Variants in VKORC1 observed in about 807,000 individuals in gnomAD.
VKORC1 encodes the protein phylloquinone epoxide reductase.
Under a neutral mutation model 14.8 loss-of-function variants are expected in VKORC1, and 12 were observed. The ratio of observed to expected loss-of-function variants is 0.81; its 90% CI spans 0.52 to 1.31. The LOEUF (loss-of-function observed/expected upper bound fraction) is 1.31, where lower values mean the gene tolerates loss of function less well. VKORC1 is among the 50% of genes most tolerant of loss of function. The pLI, the probability that VKORC1 is intolerant of heterozygous loss-of-function variation, is 0.00. For synonymous variants in VKORC1, 94 were observed against 92.5 expected (o/e 1.02, Z -0.09); for missense variants, 223 against 215.3 (o/e 1.04, Z -0.22).
In VKORC1 at chr16:31,093,299, C is replaced by T; in HGVS notation, c.283+13G>A. 6.2e-7 allele frequency: 1 copy of T among 1,610,362 alleles called. No homozygotes were observed. The highest frequency in any genetic ancestry group is 8.5e-7 in the Non-Finnish European group (1 of 1,179,596). On this transcript the variant is annotated intron_variant, in intron 2 of 2. Coordinates refer to ENST00000394975, the MANE Select transcript of VKORC1 (RefSeq NM_024006.6). ...CGGGGCGGGGCGGGCAGGGAGGGGG[C>T]GGAGCCACTCACCTAACAATAGCTG...
At chr16:31,091,416 A>T in intron 2 of VKORC1, 74 bp from the exon 3 acceptor site, 2 of 1,559,972 alleles carry the variant, frequency 1.3e-6, no homozygotes, top group Non-Finnish European at 1.7e-6. Context: ...ATGTCACTGC[A>T]CTACCTAGAT....
rs1403454307 is a variant in VKORC1, at chr16:31,091,327, C to T, written c.299G>A (p.Arg100His). The T allele has an allele frequency of 1.9e-6, 3 of 1,613,808 alleles. No homozygotes were observed. The highest frequency in any genetic ancestry group is 2.5e-6 in the Non-Finnish European group (3 of 1,179,912). Residue 100 changes from arginine (R) to histidine (H), a missense_variant, in exon 3 of 3, where the codon CGC becomes CAC. By Grantham distance (29) the Arg-to-His change is conservative. Coordinates refer to ENST00000394975, the MANE Select transcript of VKORC1 (RefSeq NM_024006.6). ...LQLLLGCLRTRWASVLMLLSS... is the reference protein window; with the variant it reads ...LQLLLGCLRTHWASVLMLLSS... ...CAGCAGCATCAGGACAGAGGCCCAGCGTGTCCGCAGGCAACCTGCAAGGCA... is the reference window on the plus strand; with the variant it reads ...CAGCAGCATCAGGACAGAGGCCCAGTGTGTCCGCAGGCAACCTGCAAGGCA...
chr16:31,093,722 T>TTTTC, intron 1 of VKORC1: 1 of 415,610 alleles, frequency 2.4e-6, no homozygotes, highest in Non-Finnish European at 4.0e-6. Flanking sequence ...TTTTTTTTTT[T>TTTTC]TTTTGAGACG....
chr16:31,094,039 C>G, intron 1 of VKORC1: 1 of 1,025,346 alleles, frequency 9.8e-7, no homozygotes. Context: ...GCTGGTATAA[C>G]GGTTCACTCG....
At chr16:31,091,631 A>T (rs1188192886) in intron 2 of VKORC1, among the ~76,000 whole-genome samples, 1 of 152,234 alleles carries the variant, frequency 6.6e-6, no homozygotes, top group Non-Finnish European at 1.5e-5. Flanking sequence ...TCATGCCTGT[A>T]ATCCCAGTAT....
chr16:31,094,030 C>T lies in VKORC1; in HGVS notation c.173+527G>A. The T allele has an allele frequency of 5.2e-6, 5 of 959,994 alleles. No individual in the cohort carries two copies. In the South Asian group the frequency reaches 8.4e-5, roughly 16 times the overall value. 59.5% of individuals were successfully genotyped at this position (959,994 alleles called of 1,614,324 possible). On this transcript the variant is annotated intron_variant, in intron 1 of 2. Transcript: ENST00000394975. ...TTAAGTAATTCTTAAAATGGCAAGG[C>T]TGGTATAACGGTTCACTCGGTTTTG...
At chr16:31,091,609 G>T (rs1242614293) in intron 2 of VKORC1, among the ~76,000 whole-genome samples, 1 of 152,216 alleles carries the variant, frequency 6.6e-6, no homozygotes, top group East Asian at 1.9e-4. Context: ...AAATTCAGCT[G>T]GGCACGGTGG....
At position 31,091,055 on chromosome 16, in the gene VKORC1, G is replaced by C. The variant is rs2057285406; in HGVS notation, c.*79C>G. 1.3e-6 allele frequency: 2 copies of C among 1,573,946 alleles called. No individual in the cohort carries two copies. The highest frequency in any genetic ancestry group is 2.7e-5 in the African/African-American group (2 of 74,236). Reference sequence around the variant, plus strand: ...AAGCCCCACATCTAGGGCCTTCTAGGGACCCAGATATGCCCCCTTAGGCAA... The same window carrying C: ...AAGCCCCACATCTAGGGCCTTCTAGCGACCCAGATATGCCCCCTTAGGCAA... On this transcript the variant is annotated 3_prime_UTR_variant, in exon 3 of 3. Transcript: ENST00000394975.
rs1207991015 is a variant in VKORC1, at chr16:31,090,880, C to A, written c.*254G>T. The stretch of plus-strand genomic sequence containing the variant: ...GATTGATCTAAGAAACTTTATTGCT[C>A]AGAACCTTCCCTCCCTGGGCAATGG... On this transcript the variant is annotated 3_prime_UTR_variant, in exon 3 of 3. Transcript: ENST00000394975. 2 of 565,050 alleles carry A rather than the reference C, an allele frequency of 3.5e-6. No homozygotes were observed. Among genetic ancestry groups the A allele is most frequent in the Admixed American group, 6.2e-5 (2 of 32,108 alleles). 35.0% of individuals were successfully genotyped at this position (565,050 alleles called of 1,614,324 possible).
At chr16:31,092,328 T>TAA (rs1163440956) in intron 2 of VKORC1, among the ~76,000 whole-genome samples, 2 of 136,690 alleles carry the variant, frequency 1.5e-5, no homozygotes, top group Non-Finnish European at 3.2e-5. Context: ...GATTATTTCT[T>TAA]AAAAAAAAAA....
chr16:31,092,871 C>CAAA, intron 2 of VKORC1: 5 of 768,282 alleles, frequency 6.5e-6, no homozygotes, highest in African/African-American at 1.9e-5. Flanking sequence ...CCATCTCTAC[C>CAAA]AAAAAAAAAC....
In VKORC1 at chr16:31,094,668, A is replaced by T; in HGVS notation, c.62T>A (p.Val21Glu). ...VRLALCLTGL[V>E]LSLYALHVKA... ...CACGTGCAGCGCGTAGAGCGAGAGCACTAAGCCCGTCAGGCAAAGAGCGAG... is the reference window on the plus strand; with the variant it reads ...CACGTGCAGCGCGTAGAGCGAGAGCTCTAAGCCCGTCAGGCAAAGAGCGAG... The change falls in exon 1 of 3, where the codon GTG becomes GAG. Residue 21 changes from valine to glutamate, a missense_variant. Transcript: ENST00000394975. 1 of 1,608,000 alleles carries T rather than the reference A, an allele frequency of 6.2e-7. No individual in the cohort carries two copies. Among genetic ancestry groups the T allele is most frequent in the Non-Finnish European group, 8.5e-7 (1 of 1,178,714 alleles).
Position 31,094,682 on chromosome 16 carries a change from G to A in VKORC1, c.48C>T (p.Cys16=), listed in dbSNP as rs2057316384. Residue 16 remains cysteine (C), a synonymous_variant, in exon 1 of 3, where the codon TGC becomes TGT. Transcript: ENST00000394975. The stretch of plus-strand genomic sequence containing the variant: ...AGAGCGAGAGCACTAAGCCCGTCAG[G>A]CAAAGAGCGAGCCGCACCCAGCCAG... ...GSPGWVRLAL[C]LTGLVLSLYA... is the part of the protein sequence containing the mutation. 6.2e-7 allele frequency: 1 copy of A among 1,607,998 alleles called. No homozygotes were observed.
intron 1 of VKORC1, 137 bp from the exon 2 acceptor site, chr16:31,093,558 G>A: frequency 1.3e-6 from 2 of 1,540,246 alleles, no homozygotes; most frequent in Non-Finnish European, 1.8e-6. Context: ...TAGTCCAAGG[G>A]TCGATGATCT....
rs775171450 is a variant in VKORC1, at chr16:31,094,748, G to C, written c.-19C>G. 4 of 1,584,990 alleles carry C rather than the reference G, an allele frequency of 2.5e-6. No homozygotes were observed. The highest frequency in any genetic ancestry group is 4.6e-5 in the East Asian group (2 of 43,754). On this transcript the variant is annotated 5_prime_UTR_variant, in exon 1 of 3. Transcript: ENST00000394975. The stretch of plus-strand genomic sequence containing the variant: ...TGCCCATTATCTCCAGGTTCCGCCC[G>C]AGGCGCCCGCGGAGAAAACCAGCCA...
intron 2 of VKORC1, among the ~76,000 whole-genome samples, chr16:31,091,744 G>A (rs991634142): frequency 5.9e-5 from 9 of 152,114 alleles, no homozygotes; most frequent in Non-Finnish European, 8.8e-5. Flanking sequence ...AAAATTAGCC[G>A]GGTGTGTTGA....
intron 2 of VKORC1, among the ~76,000 whole-genome samples, chr16:31,092,328 TAA>T (rs1163440956): frequency 3.7e-5 from 5 of 136,664 alleles, no homozygotes; most frequent in Non-Finnish European, 3.2e-5. Context: ...GATTATTTCT[TAA>T]AAAAAAAAAA....
At chr16:31,094,503 T>C (rs1476998628) in intron 1 of VKORC1, 54 bp downstream of exon 1, 6 of 1,612,626 alleles carry the variant, frequency 3.7e-6, no homozygotes, top group Non-Finnish European at 5.1e-6. Flanking sequence ...AATAATCATC[T>C]GGCATCCTGG....
At position 31,094,616 on chromosome 16, in the gene VKORC1, A is replaced by G. The variant is rs1045126743; in HGVS notation, c.114T>C (p.Asp38=). ...TGCCCACGTCGCAGAGCGCGCGGTA[A>G]TCCCGGTCCCGGGCGCGCGCCGCCT... ...HVKAARARDR[D]YRALCDVGTA... The change falls in exon 1 of 3, where the codon GAT becomes GAC. Residue 38 remains aspartate, a synonymous_variant. Transcript: ENST00000394975. 6 of 1,607,734 alleles carry G rather than the reference A, an allele frequency of 3.7e-6. No homozygotes were observed. Among genetic ancestry groups the G allele is most frequent in the Non-Finnish European group, 5.1e-6 (6 of 1,178,430 alleles).
Sources: allele counts gnomAD v4.1 joint callset (sites outside exome capture counted in the v4.1 genomes callset), GRCh38; gene constraint gnomAD v4.1.1; transcripts MANE v1.5; gene names NCBI Gene and HGNC (gene_info 2026-07-23, HGNC 2026-07-21).